Variants in FREM1 observed in about 807,000 individuals in gnomAD.
FREM1 encodes FRAS1-related extracellular matrix protein 1.
Under a neutral mutation model 210.1 loss-of-function variants are expected in FREM1, and 220 were observed. That is an observed-to-expected ratio of 1.05 (90% CI 0.94 to 1.17). The LOEUF (loss-of-function observed/expected upper bound fraction) is 1.17. FREM1 is among the 50% of genes most tolerant of loss of function. The pLI is 0.00. For synonymous variants in FREM1, 1,189 were observed against 980.2 expected, an observed-to-expected ratio of 1.21 and a Z score of -3.98; for missense variants, 3,454 against 2,675.5, an observed-to-expected ratio of 1.29 and a Z score of -6.42.
intron 1 of FREM1, among the ~76,000 whole-genome samples, chr9:14,901,316 C>A (rs1838741836): frequency 6.6e-6 from 1 of 152,180 alleles, no homozygotes; most frequent in African/African-American, 2.4e-5. Flanking sequence ...AAAAGTCTCT[C>A]AAATCATTCT....
At chr9:14,847,692 T>C (rs1826947252) in intron 7 of FREM1, among the ~76,000 whole-genome samples, 1 of 152,184 alleles carries the variant, frequency 6.6e-6, no homozygotes, top group Non-Finnish European at 1.5e-5. Context: ...AAGTTCATAA[T>C]AAGCAAACAT....
At chr9:14,852,344 T>C (rs898299441) in intron 5 of FREM1, among the ~76,000 whole-genome samples, 2 of 151,968 alleles carry the variant, frequency 1.3e-5, no homozygotes, top group African/African-American at 4.8e-5. Context: ...AAAGAAACCA[T>C]GAAATTGTGC....
chr9:14,792,376 G>T (rs1588008616), intron 22 of FREM1, among the ~76,000 whole-genome samples: 1 of 151,606 alleles, frequency 6.6e-6, no homozygotes, highest in Non-Finnish European at 1.5e-5. Flanking sequence ...GATGATGGAT[G>T]CTAAAGAGGA....
At chr9:14,755,555 G>A (rs1248079677) in intron 29 of FREM1, among the ~76,000 whole-genome samples, 1 of 152,192 alleles carries the variant, frequency 6.6e-6, no homozygotes, top group Non-Finnish European at 1.5e-5. Context: ...CATGCAGTGA[G>A]TGAGGCAGAG....
chr9:14,825,533 A>G (rs12005284), intron 10 of FREM1, among the ~76,000 whole-genome samples: 25,437 of 92,582 alleles, frequency 0.27, 4,296 homozygotes, highest in African/African-American at 0.35. Context: ...ATATATATAT[A>G]TATGTGTGTG....
intron 1 of FREM1, among the ~76,000 whole-genome samples, chr9:14,884,215 C>A (rs966640185): frequency 6.6e-6 from 1 of 151,538 alleles, no homozygotes; most frequent in Admixed American, 6.6e-5. Flanking sequence ...GGCGACAGAG[C>A]GAGACTCCAT....
intron 1 of FREM1, among the ~76,000 whole-genome samples, chr9:14,905,264 T>C (rs1318678168): frequency 1.3e-5 from 2 of 151,662 alleles, no homozygotes; most frequent in Non-Finnish European, 2.9e-5. Context: ...TTTTTTAAAA[T>C]GGTGAGAGAG....
chr9:14,784,264 A>T, intron 24 of FREM1, 106 bp downstream of exon 24: 1 of 995,188 alleles, frequency 1.0e-6, no homozygotes, highest in Middle Eastern at 3.3e-4. Context: ...GTTATAAGAT[A>T]CATGTATTTT....
chr9:14,907,583 G>A (rs1817994888), intron 1 of FREM1, among the ~76,000 whole-genome samples: 1 of 152,216 alleles, frequency 6.6e-6, no homozygotes, highest in Non-Finnish European at 1.5e-5. Flanking sequence ...CTGGCGCAGG[G>A]AAACAGCCTT....
In FREM1 at chr9:14,842,513, A is replaced by T; in HGVS notation, c.1541T>A (p.Val514Asp). The T allele has an allele frequency of 6.2e-7, 1 of 1,614,028 alleles. No individual in the cohort carries two copies. Among genetic ancestry groups the T allele is most frequent in the Non-Finnish European group, 8.5e-7 (1 of 1,179,888 alleles). The stretch of plus-strand genomic sequence containing the variant: ...CGGGGGACTATCATCTTTGGGCAAG[A>T]CGTTGATGGGGAATTTGTGACGGAT... ...HSIRHKFPIN[V>D]LPKDDSPPFL... is the part of the protein sequence containing the mutation. The change falls in exon 9 of 37, where the codon GTC (valine) becomes GAC (aspartate). Residue 514 changes from valine to aspartate, a missense_variant. By Grantham distance (152) the Val-to-Asp change is radical. Transcript: ENST00000380880.
rs748313557 is a variant in FREM1, at chr9:14,746,377, G to A, written c.6230C>T (p.Ala2077Val). 29 of 1,613,296 alleles carry A rather than the reference G, an allele frequency of 1.8e-5. No homozygotes were observed. Among genetic ancestry groups the A allele is most frequent in the African/African-American group, 4.0e-5 (3 of 74,906 alleles). Residue 2077 changes from alanine to valine, a missense_variant, in exon 35 of 37, where the codon GCG becomes GTG. Coordinates refer to ENST00000380880, the MANE Select transcript of FREM1 (RefSeq NM_001379081.2). Reference sequence around the variant, plus strand: ...CTGTTCCCTGCAAGCTTGGGCAGCCGCATTCCAGGTGCCTTTCTGCTCTGT... The same window carrying A: ...CTGTTCCCTGCAAGCTTGGGCAGCCACATTCCAGGTGCCTTTCTGCTCTGT... The part of the protein sequence containing the change: ...LITEQKGTWN[A>V]AAQACREQYL...
At chr9:14,755,094 T>C (rs1844073696) in intron 29 of FREM1, among the ~76,000 whole-genome samples, 2 of 152,252 alleles carry the variant, frequency 1.3e-5, no homozygotes, top group Admixed American at 6.5e-5. Context: ...ATGGAATCGA[T>C]TCAGAAGTAA....
At chr9:14,874,334 T>G (rs1833288218) in intron 1 of FREM1, among the ~76,000 whole-genome samples, 1 of 151,362 alleles carries the variant, frequency 6.6e-6, no homozygotes, top group Admixed American at 6.6e-5. Flanking sequence ...GGACTTGCTT[T>G]ATGAATCTGG....
chr9:14,797,490 T>G lies in FREM1; in HGVS notation c.3839+8A>C. 1 of 1,601,932 alleles carries G rather than the reference T, an allele frequency of 6.2e-7. No individual in the cohort carries two copies. Among genetic ancestry groups the G allele is most frequent in the Non-Finnish European group, 8.5e-7 (1 of 1,173,094 alleles). On this transcript the variant is annotated splice_region_variant and intron_variant, in intron 21 of 36. Coordinates refer to ENST00000380880, the MANE Select transcript of FREM1 (RefSeq NM_001379081.2). ...AAATCTGAAAGGGACTCTTTTCAGG[T>G]AGCTTACTTGCTCAGCATTGGTTTT...
chr9:14,793,183 G>C (rs1035993618), intron 21 of FREM1, among the ~76,000 whole-genome samples: 12 of 152,178 alleles, frequency 7.9e-5, no homozygotes, highest in Non-Finnish European at 4.4e-5. Flanking sequence ...TCTATAAAAT[G>C]ATCTTGTTTC....
intron 6 of FREM1, among the ~76,000 whole-genome samples, chr9:14,849,807 T>C (rs1827349306): frequency 1.3e-5 from 2 of 152,174 alleles, no homozygotes; most frequent in Non-Finnish European, 2.9e-5. Flanking sequence ...TCGCACAGGT[T>C]CTGCTTTAAG....
intron 20 of FREM1, among the ~76,000 whole-genome samples, chr9:14,799,988 C>G (rs1563957200): frequency 7.1e-6 from 1 of 140,792 alleles, no homozygotes; most frequent in African/African-American, 2.6e-5. Context: ...TGATGTTCCC[C>G]TTCCTGTGTC....
At chr9:14,891,040 G>A (rs56021406) in intron 1 of FREM1, among the ~76,000 whole-genome samples, 3,099 of 152,268 alleles carry the variant, frequency 0.02, 41 homozygotes, top group Non-Finnish European at 0.034. Context: ...GGGACCTACC[G>A]TGGGCATGTA....
chr9:14,783,280 A>G (rs1403337281), intron 24 of FREM1, among the ~76,000 whole-genome samples: 1 of 152,234 alleles, frequency 6.6e-6, no homozygotes, highest in African/African-American at 2.4e-5. Context: ...TTAGATAGGT[A>G]AAAGTAAGAT....
Sources: allele counts gnomAD v4.1 joint callset (sites outside exome capture counted in the v4.1 genomes callset), GRCh38; gene constraint gnomAD v4.1.1; transcripts MANE v1.5; gene names NCBI Gene and HGNC (gene_info 2026-07-23, HGNC 2026-07-21).